Variants in USP36 observed in about 807,000 individuals in gnomAD.
The protein encoded by USP36 is ubiquitin specific peptidase 36, also known as ubiquitin carboxyl-terminal hydrolase 36.
Under a neutral mutation model 111.5 loss-of-function variants are expected in USP36, and 59 were observed. That is an observed-to-expected ratio of 0.53 (90% CI 0.43 to 0.66). USP36 has a LOEUF of 0.66. Among genes scored for constraint, USP36 ranks in the 30% least tolerant of loss-of-function variants. The pLI, the probability that USP36 is intolerant of heterozygous loss-of-function variation, is 0.00. For missense variants in USP36, 1,488 were observed against 1,468.0 expected, an observed-to-expected ratio of 1.01 and a Z score of -0.22; for synonymous variants, 628 against 581.0, an observed-to-expected ratio of 1.08 and a Z score of -1.16.
chr17:78,813,408 C>A (rs1410561402), intron 12 of USP36, among the ~76,000 whole-genome samples: 2 of 152,156 alleles, frequency 1.3e-5, no homozygotes, highest in Non-Finnish European at 2.9e-5. Context: ...GCAGCAGCAC[C>A]CCCACAAACA....
At chr17:78,804,934 G>GC (rs1167273401) in intron 15 of USP36, among the ~76,000 whole-genome samples, 1 of 152,158 alleles carries the variant, frequency 6.6e-6, no homozygotes, top group Non-Finnish European at 1.5e-5. Flanking sequence ...CATAAGGAAA[G>GC]CAAGTGTTGA....
At chr17:78,804,625 TAAAA>T (rs35371422) in intron 15 of USP36, among the ~76,000 whole-genome samples, 781 of 38,268 alleles carry the variant, frequency 0.02, 4 homozygotes, top group Non-Finnish European at 0.032. Context: ...CCCTGAGATT[TAAAA>T]AAAAAAAAAA....
chr17:78,811,016 A>G (rs1355827364), intron 13 of USP36, among the ~76,000 whole-genome samples: 1 of 151,024 alleles, frequency 6.6e-6, no homozygotes, highest in Non-Finnish European at 1.5e-5. Context: ...CAGGAGGCAG[A>G]GGCAGGAGAA....
chr17:78,795,186 G>A (rs1297503315), downstream of USP36, among the ~76,000 whole-genome samples: 1 of 152,176 alleles, frequency 6.6e-6, no homozygotes, highest in Non-Finnish European at 1.5e-5. The surrounding 1 kb of genome is among the most constrained non-coding windows in gnomAD (Gnocchi z 4.5). Flanking sequence ...TGGGTCAGCA[G>A]TGTGCCCTGC....
chr17:78,824,256 C>CA (rs1364208572), intron 6 of USP36, among the ~76,000 whole-genome samples: 3 of 151,830 alleles, frequency 2.0e-5, no homozygotes, highest in Non-Finnish European at 4.4e-5. Flanking sequence ...CAGGTGCCAA[C>CA]AAAAAAAATG....
chr17:78,825,919 T>TC (rs1205209706), intron 6 of USP36, among the ~76,000 whole-genome samples: 1 of 152,140 alleles, frequency 6.6e-6, no homozygotes, highest in African/African-American at 2.4e-5. Context: ...TATCCCTCTA[T>TC]CACAGCATTG....
At chr17:78,818,906 G>T (rs1331673468) in intron 9 of USP36, 128 bp from the exon 10 acceptor site, 1 of 906,568 alleles carries the variant, frequency 1.1e-6, no homozygotes, top group Non-Finnish European at 1.7e-6. Context: ...ATGAGATTTC[G>T]ACCTTCTGCT....
At chr17:78,818,552 G>T (rs923098736) in intron 10 of USP36, 115 bp downstream of exon 10, 14 of 871,046 alleles carry the variant, frequency 1.6e-5, no homozygotes, top group Non-Finnish European at 2.3e-5. Flanking sequence ...TTTAGAACAG[G>T]GACAGGTACT....
intron 4 of USP36, among the ~76,000 whole-genome samples, chr17:78,831,317 T>G (rs1321559656): frequency 6.6e-6 from 1 of 151,616 alleles, no homozygotes; most frequent in Non-Finnish European, 1.5e-5. Flanking sequence ...AAGATACAGT[T>G]TTACTACAAA....
intron 10 of USP36, among the ~76,000 whole-genome samples, chr17:78,816,898 C>G (rs2094202628): frequency 6.6e-6 from 1 of 152,124 alleles, no homozygotes; most frequent in Non-Finnish European, 1.5e-5. Flanking sequence ...TAGAAAATTC[C>G]CACATCCCAG....
rs551292546 is a variant in USP36 at position 78,820,090 on chromosome 17, T to C, written c.829-78A>G. 6.7e-5 allele frequency: 99 copies of C among 1,473,722 alleles called. No homozygotes were observed. The South Asian group carries it at 1.1e-3, about 16-fold the overall frequency. The allele number at this position is 1,473,722 out of a possible 1,614,324, so 91.3% of individuals were successfully genotyped here. ...TTCAAGAAATGCCAAATTTAAGGTCTTTTTTAGGCTGAGGCAGCAAATCAC... is the reference window on the plus strand; with the variant it reads ...TTCAAGAAATGCCAAATTTAAGGTCCTTTTTAGGCTGAGGCAGCAAATCAC... On this transcript the variant is annotated intron_variant, in intron 8 of 20. Coordinates refer to ENST00000449938, the MANE Select transcript of USP36 (RefSeq NM_001385174.1).
intron 3 of USP36, among the ~76,000 whole-genome samples, chr17:78,788,035 G>A (rs956496162): frequency 6.6e-6 from 1 of 152,188 alleles, no homozygotes; most frequent in Non-Finnish European, 1.5e-5. Context: ...TCTCTCTCTG[G>A]CACTGTGAGA....
At chr17:78,818,980 C>G (rs1237415714) in intron 9 of USP36, 2 of 515,144 alleles carry the variant, frequency 3.9e-6, no homozygotes, top group Non-Finnish European at 7.0e-6. Flanking sequence ...AATAAGACTA[C>G]AGAAAGTGGG....
At chr17:78,800,574 C>G (rs2093715437) in intron 17 of USP36, among the ~76,000 whole-genome samples, 1 of 152,236 alleles carries the variant, frequency 6.6e-6, no homozygotes, top group African/African-American at 2.4e-5. Flanking sequence ...CTAAGTGTCC[C>G]CTGCCCCCAC....
Position 78,811,871 on chromosome 17 carries a change from GA to G in USP36, c.1407+988del, listed in dbSNP as rs80052933. 1.6e-3 allele frequency among the ~76,000 whole-genome samples: 219 copies of G among 139,006 alleles called. 1 individual carries two copies. Among genetic ancestry groups the G allele is most frequent in the African/African-American group, 3.0e-3 (116 of 38,198 alleles). The allele number at this position is 139,006 out of a possible 152,430, so 91.2% of individuals were successfully genotyped here. A position where few individuals can be genotyped will look rare whatever the true frequency, so the allele number is the denominator to read the frequency against. On this transcript the variant is annotated intron_variant, in intron 13 of 20. Coordinates refer to ENST00000449938, the MANE Select transcript of USP36 (RefSeq NM_001385174.1). ...CGACAGAATGAGACTCCGTCTCAAA[GA>G]AAAAAAAAAAAGGATATTTTTTCCT... is the stretch of plus-strand genomic sequence containing the variant.
chr17:78,828,683 C>T (rs1314883577), intron 5 of USP36, among the ~76,000 whole-genome samples: 2 of 152,154 alleles, frequency 1.3e-5, no homozygotes, highest in East Asian at 1.9e-4. Flanking sequence ...CCAGCACCTC[C>T]TACAGGGCGA....
chr17:78,815,800 A>T (rs2094165255), intron 10 of USP36, among the ~76,000 whole-genome samples: 2 of 151,790 alleles, frequency 1.3e-5, no homozygotes, highest in South Asian at 4.1e-4. Flanking sequence ...ACATACATGC[A>T]TACATACATC....
intron 17 of USP36, among the ~76,000 whole-genome samples, chr17:78,801,446 C>T (rs2093740805): frequency 6.6e-6 from 1 of 152,228 alleles, no homozygotes; most frequent in Non-Finnish European, 1.5e-5. Flanking sequence ...AGATGCACTG[C>T]CATAATCAGA....
intron 2 of USP36, among the ~76,000 whole-genome samples, chr17:78,838,070 T>A (rs1231376573): frequency 6.6e-6 from 1 of 152,138 alleles, no homozygotes; most frequent in East Asian, 1.9e-4. Flanking sequence ...CAGTCCAGCC[T>A]GGGCAACATC....
Sources: gnomAD v4.1 joint callset for allele counts (sites outside exome capture counted in the v4.1 genomes callset) on GRCh38, gnomAD v4.1.1 for gene constraint, Gnocchi (gnomAD v3.1) non-coding constraint, MANE v1.5 for transcripts, NCBI Gene and HGNC (gene_info 2026-07-23, HGNC 2026-07-21) for gene names.